The following ITGBL1 variants were observed in gnomAD, a reference collection of about 807,000 sequenced individuals.
The protein encoded by ITGBL1 is integrin subunit beta like 1.
ITGBL1 carries 51 observed loss-of-function variants against 68.5 expected under a neutral mutation model. That is an observed-to-expected ratio of 0.74 (90% CI 0.59 to 0.94). ITGBL1 has a LOEUF of 0.94. Among genes scored for constraint, ITGBL1 ranks in the 40% least tolerant of loss-of-function variants. The pLI, the probability that ITGBL1 is intolerant of heterozygous loss-of-function variation, is 0.00. For synonymous variants in ITGBL1, 209 were observed against 227.3 expected (o/e 0.92, Z 0.72); for missense variants, 649 against 647.4 (o/e 1.00, Z -0.03).
At chr13:101,549,674 A>G (rs1458346563) in intron 2 of ITGBL1, among the ~76,000 whole-genome samples, 2 of 152,114 alleles carry the variant, frequency 1.3e-5, no homozygotes, top group African/African-American at 4.8e-5. Context: ...TTTATAAACC[A>G]ATGAGAAGAT....
intron 7 of ITGBL1, among the ~76,000 whole-genome samples, chr13:101,673,724 A>G (rs1188852649): frequency 6.6e-6 from 1 of 152,180 alleles, no homozygotes; most frequent in African/African-American, 2.4e-5. Flanking sequence ...AAATTTCAGC[A>G]GAAGTACAAC....
intron 4 of ITGBL1, among the ~76,000 whole-genome samples, chr13:101,576,029 G>T (rs1258522564): frequency 6.6e-6 from 1 of 152,042 alleles, no homozygotes; most frequent in African/African-American, 2.4e-5. Flanking sequence ...GACCTTTTCT[G>T]TGTACCACCA....
intron 2 of ITGBL1, among the ~76,000 whole-genome samples, chr13:101,468,482 T>C (rs2139637054): frequency 6.6e-6 from 1 of 152,304 alleles, no homozygotes; most frequent in Middle Eastern, 3.4e-3. Context: ...CTCCAACTAT[T>C]GTGCTAAGTA....
chr13:101,569,073 T>C (rs1406340946), intron 3 of ITGBL1, among the ~76,000 whole-genome samples: 1 of 80,794 alleles, frequency 1.2e-5, no homozygotes, highest in African/African-American at 4.4e-5. Context: ...CACACACACT[T>C]CTCTACTTCC....
intron 7 of ITGBL1, among the ~76,000 whole-genome samples, chr13:101,625,626 C>A (rs758164658): frequency 7.2e-5 from 11 of 151,784 alleles, no homozygotes; most frequent in Non-Finnish European, 1.5e-4. Context: ...GATCTAGGCT[C>A]ACCGCAACCT....
chr13:101,713,551 T>C (rs1372194049), intron 9 of ITGBL1: 1 of 152,204 alleles, frequency 6.6e-6, no homozygotes, highest in Non-Finnish European at 1.5e-5. Flanking sequence ...TTCTTTTTCA[T>C]TGTAAAGTCT....
At chr13:101,651,875 C>T (rs1331717881) in intron 7 of ITGBL1, among the ~76,000 whole-genome samples, 1 of 151,962 alleles carries the variant, frequency 6.6e-6, no homozygotes, top group Non-Finnish European at 1.5e-5. Context: ...GTCCAGTTTC[C>T]ATTTTCTGCG....
intron 2 of ITGBL1, among the ~76,000 whole-genome samples, chr13:101,519,118 G>A (rs184650531): frequency 1.9e-4 from 29 of 152,132 alleles, no homozygotes; most frequent in East Asian, 5.8e-4. Flanking sequence ...GTTCAAATCC[G>A]TAATGGAATA....
At chr13:101,604,758 C>T (rs2030586883) in intron 7 of ITGBL1, among the ~76,000 whole-genome samples, 6 of 145,756 alleles carry the variant, frequency 4.1e-5, no homozygotes, top group African/African-American at 1.3e-4. Flanking sequence ...ATCAGTTTCT[C>T]AATCCTGACA....
chr13:101,692,529 G>C (rs898415130), intron 7 of ITGBL1, 56 bp from the exon 8 acceptor site: 142 of 1,181,194 alleles, frequency 1.2e-4, no homozygotes, highest in Non-Finnish European at 1.8e-4. Context: ...CTCCTTGAAA[G>C]CCTTAGTGAT....
intron 7 of ITGBL1, among the ~76,000 whole-genome samples, chr13:101,603,149 C>T (rs1355692180): frequency 6.6e-6 from 1 of 151,944 alleles, no homozygotes. Flanking sequence ...TGAGGTAGCA[C>T]AGGACCGTCT....
chr13:101,491,688 C>T (rs2048780138), intron 2 of ITGBL1, among the ~76,000 whole-genome samples: 1 of 151,254 alleles, frequency 6.6e-6, no homozygotes, highest in South Asian at 2.1e-4. Flanking sequence ...AGGTTTGTTA[C>T]ATAGGTATAC....
chr13:101,591,639 A>G (rs1358843531), intron 6 of ITGBL1, among the ~76,000 whole-genome samples: 1 of 152,096 alleles, frequency 6.6e-6, no homozygotes. Context: ...CGCAAACCTC[A>G]AGGAATATTA....
intron 7 of ITGBL1, among the ~76,000 whole-genome samples, chr13:101,632,432 C>T (rs1006538346): frequency 4.6e-5 from 7 of 152,112 alleles, no homozygotes; most frequent in Non-Finnish European, 1.0e-4. Context: ...CTGTAAAGCC[C>T]AGAACTCTCA....
At chr13:101,598,037 A>G (rs1314132388) in intron 6 of ITGBL1, 116 bp from the exon 7 acceptor site, 1 of 943,600 alleles carries the variant, frequency 1.1e-6, no homozygotes, top group African/African-American at 1.7e-5. Flanking sequence ...TTAATATGTT[A>G]TATTATGTTC....
At chr13:101,612,213 AT>A (rs2031163196) in intron 7 of ITGBL1, among the ~76,000 whole-genome samples, 1 of 152,218 alleles carries the variant, frequency 6.6e-6, no homozygotes, top group Non-Finnish European at 1.5e-5. Context: ...ATGTTGGTAA[AT>A]AATACCAAAT....
At position 101,583,222 on chromosome 13, in the gene ITGBL1, G is replaced by A. The variant is rs1244004592; in HGVS notation, c.734G>A (p.Cys245Tyr). Residue 245 changes from cysteine (C) to tyrosine (Y), a missense_variant, in exon 6 of 11, where the codon TGT becomes TAT. Coordinates refer to ENST00000376180, the MANE Select transcript of ITGBL1 (RefSeq NM_004791.3). ...DGKICSNRGT[C>Y]VCGECTCHDV... The stretch of plus-strand genomic sequence containing the variant: ...AATTCTTCTTCCCACCTAGGGACTT[G>A]TGTATGTGGTGAATGTACCTGTCAC... The A allele has an allele frequency of 1.9e-6, 3 of 1,613,546 alleles. No homozygotes were observed. The highest frequency in any genetic ancestry group is 2.7e-5 in the African/African-American group (2 of 74,840).
At chr13:101,718,207 G>C (rs931407605), downstream of ITGBL1, 2 of 152,026 alleles carry the variant, frequency 1.3e-5, no homozygotes, top group African/African-American at 4.8e-5. Context: ...ACTTATTTCT[G>C]TCCACTATGT....
chr13:101,676,832 A>C (rs1299050585), intron 7 of ITGBL1, among the ~76,000 whole-genome samples: 1 of 152,208 alleles, frequency 6.6e-6, no homozygotes, highest in Non-Finnish European at 1.5e-5. Flanking sequence ...AATTACCATT[A>C]AATTAAATAA....
Sources: allele counts gnomAD v4.1 joint callset (sites outside exome capture counted in the v4.1 genomes callset), GRCh38; gene constraint gnomAD v4.1.1; transcripts MANE v1.5; gene names NCBI Gene and HGNC (gene_info 2026-07-23, HGNC 2026-07-21).